The following CCDC148 variants were observed in gnomAD, a reference collection of about 807,000 sequenced individuals.
CCDC148 encodes the protein coiled-coil domain-containing protein 148.
Under a neutral mutation model 85.7 loss-of-function variants are expected in CCDC148, and 89 were observed. The observed-to-expected ratio is 1.04, with a 90% CI of 0.87 to 1.24. CCDC148 has a LOEUF of 1.24. CCDC148 is among the 50% of genes most tolerant of loss of function. CCDC148 has a pLI of 0.00. For synonymous variants in CCDC148, 230 were observed against 213.9 expected, an observed-to-expected ratio of 1.08 and a Z score of -0.66; for missense variants, 692 against 671.7, an observed-to-expected ratio of 1.03 and a Z score of -0.33.
In CCDC148 at chr2:158,204,141, G is replaced by A. The variant is rs62175423; in HGVS notation, c.1370+16454C>T. On this transcript the variant is annotated intron_variant, in intron 11 of 13. Transcript: ENST00000283233. ...TACAATGTGCCAGATACAAAGGTAG[G>A]ATGGTGAAGACAGATGCAAATTCCA... Among the ~76,000 whole-genome samples, 123 of 152,274 alleles carry A rather than the reference G, an allele frequency of 8.1e-4. 1 individual carries two copies. The highest frequency in any genetic ancestry group is 3.4e-3 in the Middle Eastern group (1 of 294).
chr2:158,330,859 C>T (rs1693067626), intron 7 of CCDC148, among the ~76,000 whole-genome samples: 1 of 152,084 alleles, frequency 6.6e-6, no homozygotes, highest in Middle Eastern at 3.4e-3. Flanking sequence ...GGTGATATCC[C>T]CTTTATCATT....
At chr2:158,372,767 A>T (rs575773586) in intron 1 of CCDC148, among the ~76,000 whole-genome samples, 61 of 152,078 alleles carry the variant, frequency 4.0e-4, no homozygotes, top group African/African-American at 1.4e-3. Flanking sequence ...ACATCATAGA[A>T]CTCCCTGACC....
chr2:158,278,518 G>T (rs990177680), intron 9 of CCDC148, among the ~76,000 whole-genome samples: 10 of 152,164 alleles, frequency 6.6e-5, no homozygotes, highest in African/African-American at 1.7e-4. Flanking sequence ...GGAGTCTCAC[G>T]GATTGCTAGC....
At chr2:158,408,480 G>A (rs1468688233) in intron 1 of CCDC148, among the ~76,000 whole-genome samples, 1 of 152,006 alleles carries the variant, frequency 6.6e-6, no homozygotes, top group Non-Finnish European at 1.5e-5. Context: ...AGATCATGAA[G>A]CATTTGTCTT....
At chr2:158,346,335 T>C (rs970678624) in intron 2 of CCDC148, among the ~76,000 whole-genome samples, 2 of 152,328 alleles carry the variant, frequency 1.3e-5, no homozygotes, top group East Asian at 3.9e-4. Flanking sequence ...GCATTTGCAT[T>C]GTGTCCATTG....
intron 10 of CCDC148, among the ~76,000 whole-genome samples, chr2:158,225,640 G>T (rs529245147): frequency 2.4e-4 from 36 of 152,192 alleles, no homozygotes; most frequent in Non-Finnish European, 3.7e-4. Flanking sequence ...TAGAACTCGG[G>T]ATTAAGAAAC....
intron 9 of CCDC148, among the ~76,000 whole-genome samples, chr2:158,283,258 C>G (rs1690429261): frequency 1.3e-5 from 2 of 152,174 alleles, no homozygotes; most frequent in Admixed American, 6.5e-5. Flanking sequence ...GCAATGGCAA[C>G]AAAAGCCAAA....
At chr2:158,423,670 A>T (rs905226944) in intron 1 of CCDC148, among the ~76,000 whole-genome samples, 4 of 152,172 alleles carry the variant, frequency 2.6e-5, no homozygotes, top group Admixed American at 6.5e-5. Flanking sequence ...AGACTTCATG[A>T]CTAAAACACC....
chr2:158,250,636 TA>T (rs1688751452), intron 10 of CCDC148, 135 bp downstream of exon 10: 2 of 1,269,728 alleles, frequency 1.6e-6, no homozygotes. Flanking sequence ...TTTCATTAGA[TA>T]AAACATTCCA....
chr2:158,332,523 G>C (rs1033396093), intron 7 of CCDC148, among the ~76,000 whole-genome samples: 1 of 146,032 alleles, frequency 6.8e-6, no homozygotes, highest in Non-Finnish European at 1.5e-5. Flanking sequence ...GCCAGGTTTT[G>C]GTATCAGGAT....
intron 10 of CCDC148, among the ~76,000 whole-genome samples, chr2:158,241,082 T>C (rs1688332022): frequency 6.6e-6 from 1 of 152,178 alleles, no homozygotes; most frequent in African/African-American, 2.4e-5. Flanking sequence ...GGCACTCTCC[T>C]AACCGCTCCA....
chr2:158,225,818 A>C (rs2105307488), intron 10 of CCDC148, among the ~76,000 whole-genome samples: 1 of 152,304 alleles, frequency 6.6e-6, no homozygotes, highest in Admixed American at 6.5e-5. Context: ...GTGTAGAGGG[A>C]AATTTATAGC....
intron 12 of CCDC148, among the ~76,000 whole-genome samples, chr2:158,177,451 T>G (rs1434886132): frequency 6.6e-6 from 1 of 152,136 alleles, no homozygotes; most frequent in African/African-American, 2.4e-5. Context: ...TTTAATTATT[T>G]TAGGTTTGCT....
intron 10 of CCDC148, among the ~76,000 whole-genome samples, chr2:158,240,174 C>G (rs558854032): frequency 6.6e-6 from 1 of 151,196 alleles, no homozygotes; most frequent in Non-Finnish European, 1.5e-5. Context: ...AGTTGGTGTT[C>G]AGAGTGGTTC....
At chr2:158,438,279 A>G (rs1687761252) in intron 1 of CCDC148, among the ~76,000 whole-genome samples, 2 of 152,224 alleles carry the variant, frequency 1.3e-5, no homozygotes. Flanking sequence ...AAACCGAGAT[A>G]TAGACCAATG....
At chr2:158,178,523 T>G (rs1447718212) in intron 12 of CCDC148, among the ~76,000 whole-genome samples, 1 of 152,184 alleles carries the variant, frequency 6.6e-6, no homozygotes, top group East Asian at 1.9e-4. Flanking sequence ...AAGATTATCT[T>G]GCTCGAACTC....
chr2:158,313,165 A>G (rs1381869620), intron 8 of CCDC148, among the ~76,000 whole-genome samples: 1 of 152,244 alleles, frequency 6.6e-6, no homozygotes, highest in Non-Finnish European at 1.5e-5. Context: ...CTTGTTGACT[A>G]AAGAATGAAA....
At chr2:158,225,909 A>G (rs1387268927) in intron 10 of CCDC148, among the ~76,000 whole-genome samples, 1 of 152,214 alleles carries the variant, frequency 6.6e-6, no homozygotes. Flanking sequence ...GAGAAGCAAG[A>G]GCAAACACAT....
Position 158,340,352 on chromosome 2 carries a change from C to T in CCDC148, c.376G>A (p.Val126Ile), listed in dbSNP as rs1344104377. The T allele has an allele frequency of 6.2e-7, 1 of 1,613,950 alleles. No homozygotes were observed. Among genetic ancestry groups the T allele is most frequent in the Admixed American group, 1.7e-5 (1 of 60,002 alleles). The change falls in exon 5 of 14, where the codon GTA (valine) becomes ATA (isoleucine). Residue 126 changes from valine (V) to isoleucine (I), a missense_variant. Transcript: ENST00000283233. ...CTCAGCTGCTGAATAGGATTTATTA[C>T]ATTTTTAAGATATGTGCACTGTTGT... ...SEQQCTYLKN[V>I]INPIQQLRAD...
Sources: allele counts gnomAD v4.1 joint callset (sites outside exome capture counted in the v4.1 genomes callset), GRCh38; gene constraint gnomAD v4.1.1; transcripts MANE v1.5; gene names NCBI Gene and HGNC (gene_info 2026-07-23, HGNC 2026-07-21).